KCNN2: variants seen among roughly 807,000 people sequenced by gnomAD.
The protein encoded by KCNN2 is small conductance calcium-activated potassium channel protein 2.
A neutral mutation model predicts 55.5 loss-of-function variants in KCNN2; 24 were observed. The observed-to-expected ratio is 0.43, with a 90% CI of 0.31 to 0.61. KCNN2 has a LOEUF of 0.61. Among genes scored for constraint, KCNN2 ranks in the 20% least tolerant of loss-of-function variants. KCNN2 has a pLI of 0.08. For synonymous variants in KCNN2, 431 were observed against 336.1 expected (o/e 1.28, Z -3.09); for missense variants, 754 against 853.6 (o/e 0.88, Z 1.45).
chr5:114,133,134 T>G (rs1434472990), intron 1 of KCNN2, among the ~76,000 whole-genome samples: 1 of 152,200 alleles, frequency 6.6e-6, no homozygotes, highest in Non-Finnish European at 1.5e-5. Context: ...GTCTATGTAA[T>G]TAGGGCATTA....
At chr5:114,153,604 A>T (rs1238652646) in intron 1 of KCNN2, among the ~76,000 whole-genome samples, 1 of 152,220 alleles carries the variant, frequency 6.6e-6, no homozygotes, top group African/African-American at 2.4e-5. Context: ...GTCAGGTAAC[A>T]CCTGGTGCAG....
At chr5:114,197,156 T>C (rs1271649648) in intron 1 of KCNN2, among the ~76,000 whole-genome samples, 19 of 152,176 alleles carry the variant, frequency 1.2e-4, no homozygotes, top group Admixed American at 1.2e-3. Context: ...CCTTCAGTCG[T>C]TAATACCTAA....
At chr5:114,299,413 C>T (rs1210099087) in intron 2 of KCNN2, among the ~76,000 whole-genome samples, 1 of 152,126 alleles carries the variant, frequency 6.6e-6, no homozygotes, top group Non-Finnish European at 1.5e-5. Context: ...CTTATCAGTG[C>T]TGAGTGTAGC....
chr5:114,066,345 G>A (rs1361469235), intron 1 of KCNN2, among the ~76,000 whole-genome samples: 3 of 152,208 alleles, frequency 2.0e-5, no homozygotes, highest in South Asian at 4.1e-4. Context: ...TTACCTCTTG[G>A]CATAGTTTTA....
chr5:114,136,077 C>T (rs913573606), intron 1 of KCNN2, among the ~76,000 whole-genome samples: 1 of 151,978 alleles, frequency 6.6e-6, no homozygotes, highest in Non-Finnish European at 1.5e-5. Flanking sequence ...CAATTGAGTT[C>T]CCACAAAAAT....
intron 4 of KCNN2, among the ~76,000 whole-genome samples, chr5:114,470,000 T>C (rs774563811): frequency 1.3e-5 from 2 of 152,186 alleles, no homozygotes; most frequent in African/African-American, 4.8e-5. Flanking sequence ...GAGTGAGGTA[T>C]ATAGATAATA....
chr5:114,455,598 G>C (rs1010602560), intron 3 of KCNN2, among the ~76,000 whole-genome samples: 3 of 152,172 alleles, frequency 2.0e-5, no homozygotes, highest in African/African-American at 7.2e-5. Context: ...TCAAAAACTA[G>C]ACATGATTAA....
intron 1 of KCNN2, among the ~76,000 whole-genome samples, chr5:114,196,244 T>C (rs1313088117): frequency 1.3e-5 from 2 of 152,030 alleles, no homozygotes; most frequent in Non-Finnish European, 2.9e-5. Flanking sequence ...CTGGTTTTTT[T>C]AATGTGTGTT....
chr5:114,418,516 G>A (rs1561618518), intron 3 of KCNN2, among the ~76,000 whole-genome samples: 1 of 152,016 alleles, frequency 6.6e-6, no homozygotes, highest in African/African-American at 2.4e-5. Flanking sequence ...TTGCCTTACG[G>A]GCTCTCAGCA....
chr5:114,244,409 A>G (rs997070447), intron 2 of KCNN2, among the ~76,000 whole-genome samples: 1 of 152,130 alleles, frequency 6.6e-6, no homozygotes, highest in African/African-American at 2.4e-5. Context: ...CAACCTGGCC[A>G]ATATAGTGAA....
chr5:114,314,905 C>T (rs1036618316), intron 2 of KCNN2, among the ~76,000 whole-genome samples: 1 of 152,092 alleles, frequency 6.6e-6, no homozygotes, highest in African/African-American at 2.4e-5. Flanking sequence ...GGGTTAAATC[C>T]ACAAATGCCA....
chr5:114,293,935 G>T (rs6872653), intron 2 of KCNN2, among the ~76,000 whole-genome samples: 2 of 152,182 alleles, frequency 1.3e-5, no homozygotes, highest in Non-Finnish European at 2.9e-5. Context: ...GTGTATGTGT[G>T]GAGGAATTTA....
At chr5:114,166,034 C>A (rs983192692) in intron 1 of KCNN2, among the ~76,000 whole-genome samples, 2 of 151,934 alleles carry the variant, frequency 1.3e-5, no homozygotes, top group African/African-American at 2.4e-5. Flanking sequence ...AAAAACATTT[C>A]TTCTTATGAA....
At chr5:114,163,573 A>G (rs758093858) in intron 1 of KCNN2, among the ~76,000 whole-genome samples, 1 of 152,128 alleles carries the variant, frequency 6.6e-6, no homozygotes, top group Non-Finnish European at 1.5e-5. Flanking sequence ...TAATTCTTTT[A>G]TATTACCCTC....
upstream of KCNN2, among the ~76,000 whole-genome samples, chr5:114,359,921 A>G (rs1176198598): frequency 2.0e-5 from 3 of 152,218 alleles, no homozygotes; most frequent in East Asian, 5.8e-4. Flanking sequence ...ATTGTTTTGA[A>G]TACTCATGCT....
intron 5 of KCNN2, among the ~76,000 whole-genome samples, chr5:114,484,694 G>A (rs1244917073): frequency 2.6e-5 from 4 of 152,064 alleles, no homozygotes; most frequent in African/African-American, 9.7e-5. Flanking sequence ...TTTTATTCTG[G>A]GACATATTGT....
chr5:114,380,720 G>A (rs1758092591), intron 2 of KCNN2, among the ~76,000 whole-genome samples: 1 of 152,196 alleles, frequency 6.6e-6, no homozygotes, highest in Non-Finnish European at 1.5e-5. Context: ...TGAGGATGAG[G>A]CATGATGAGG....
At chr5:114,263,580 C>T (rs1755153840) in intron 2 of KCNN2, among the ~76,000 whole-genome samples, 1 of 152,134 alleles carries the variant, frequency 6.6e-6, no homozygotes, top group South Asian at 2.1e-4. Flanking sequence ...GGCTCTTGCT[C>T]AGTGGGCAGT....
At chr5:114,402,503 T>C (rs575698260) in intron 2 of KCNN2, among the ~76,000 whole-genome samples, 205 of 152,310 alleles carry the variant, frequency 1.3e-3, no homozygotes, top group South Asian at 2.9e-3. Context: ...CTATAGGCTA[T>C]TGATGCAAGA....
Sources: gnomAD v4.1 joint callset for allele counts (sites outside exome capture counted in the v4.1 genomes callset) on GRCh38, gnomAD v4.1.1 for gene constraint, MANE v1.5 for transcripts, NCBI Gene and HGNC (gene_info 2026-07-23, HGNC 2026-07-21) for gene names.